TBC1D8: variants seen among roughly 807,000 people sequenced by gnomAD.
The protein encoded by TBC1D8 is TBC1 domain family member 8.
Under a neutral mutation model 118.8 loss-of-function variants are expected in TBC1D8, and 65 were observed. That is an observed-to-expected ratio of 0.55 (90% confidence interval 0.45 to 0.67). The LOEUF is 0.67. Among genes scored for constraint, TBC1D8 ranks in the 30% least tolerant of loss-of-function variants. TBC1D8 has a pLI of 0.00. For synonymous variants in TBC1D8, 566 were observed against 595.8 expected, an observed-to-expected ratio of 0.95 and a Z score of 0.73; for missense variants, 1,376 against 1,471.2, an observed-to-expected ratio of 0.94 and a Z score of 1.06.
At chr2:101,018,357 G>A (rs1177265412) in intron 17 of TBC1D8, 1 of 157,508 alleles carries the variant, frequency 6.3e-6, no homozygotes, top group African/African-American at 2.4e-5. Context: ...AACGTTTTAA[G>A]TGCTTTTTTT....
chr2:101,034,723 G>A (rs770301741), intron 9 of TBC1D8, among the ~76,000 whole-genome samples: 1 of 152,244 alleles, frequency 6.6e-6, no homozygotes, highest in Non-Finnish European at 1.5e-5. Flanking sequence ...CAATCAGGTG[G>A]TGGGATTCTG....
chr2:101,088,268 T>C (rs1162390147), intron 2 of TBC1D8, among the ~76,000 whole-genome samples: 1 of 152,058 alleles, frequency 6.6e-6, no homozygotes, highest in Non-Finnish European at 1.5e-5. Context: ...GTTAGCTGAT[T>C]CATTTGACAC....
At chr2:101,090,162 T>C (rs1229924327) in intron 2 of TBC1D8, 47 bp downstream of exon 2, 1 of 1,573,324 alleles carries the variant, frequency 6.4e-7, no homozygotes, top group Non-Finnish European at 8.6e-7. Context: ...ATACTCAGCA[T>C]GCTTACACCT....
chr2:101,079,568 G>T (rs890595943), intron 2 of TBC1D8, among the ~76,000 whole-genome samples: 3 of 150,760 alleles, frequency 2.0e-5, no homozygotes, highest in Non-Finnish European at 4.4e-5. Context: ...TAGAAACAGG[G>T]TCTTGCTATG....
intron 2 of TBC1D8, among the ~76,000 whole-genome samples, chr2:101,078,496 C>G (rs1674996155): frequency 6.6e-6 from 1 of 151,992 alleles, no homozygotes; most frequent in South Asian, 2.1e-4. Context: ...TAAGACTGGC[C>G]ATATTTTTCA....
At chr2:101,099,581 T>C (rs923561623) in intron 1 of TBC1D8, among the ~76,000 whole-genome samples, 4 of 152,094 alleles carry the variant, frequency 2.6e-5, no homozygotes, top group African/African-American at 9.7e-5. Flanking sequence ...CAGACCAATA[T>C]CCCTGATGAG....
intron 2 of TBC1D8, among the ~76,000 whole-genome samples, chr2:101,076,434 G>C (rs529560593): frequency 6.6e-6 from 1 of 152,176 alleles, no homozygotes; most frequent in African/African-American, 2.4e-5. Flanking sequence ...CTGAGAGAAC[G>C]CAAAATAAAA....
In TBC1D8 at chr2:101,054,307, CCTG is replaced by C; in HGVS notation, c.429_431del (p.Ser143del). On this transcript the variant is annotated inframe_deletion, in exon 4 of 20. Transcript: ENST00000409318. Reference sequence around the variant, plus strand: ...CGGGTTCCTCCTCCTGCTCGGCGAGCCTGCTGCTGGTCTCCTCGGCTATCAGAG... The same window carrying C: ...CGGGTTCCTCCTCCTGCTCGGCGAGCCTGCTGGTCTCCTCGGCTATCAGAG... 1.9e-6 allele frequency: 3 copies of C among 1,572,470 alleles called. No individual in the cohort carries two copies. Among genetic ancestry groups the C allele is most frequent in the Non-Finnish European group, 1.7e-6 (2 of 1,158,292 alleles).
chr2:101,136,770 G>A (rs1448463933), intron 1 of TBC1D8, among the ~76,000 whole-genome samples: 3 of 152,140 alleles, frequency 2.0e-5, no homozygotes, highest in African/African-American at 4.8e-5. Flanking sequence ...GAATGATCAC[G>A]AGCTATACAT....
chr2:101,056,487 C>A (rs1329495996), intron 3 of TBC1D8, among the ~76,000 whole-genome samples: 1 of 152,142 alleles, frequency 6.6e-6, no homozygotes, highest in South Asian at 2.1e-4. Flanking sequence ...TGAGCCACCG[C>A]GCCCGGCCTA....
chr2:101,123,966 A>G (rs1678239415), intron 1 of TBC1D8, among the ~76,000 whole-genome samples: 1 of 152,174 alleles, frequency 6.6e-6, no homozygotes, highest in Non-Finnish European at 1.5e-5. Flanking sequence ...TGTAGGCAGG[A>G]GTGATTAAAA....
At chr2:101,038,704 C>T (rs897097852) in intron 6 of TBC1D8, 49 bp from the exon 7 acceptor site, 3 of 1,590,278 alleles carry the variant, frequency 1.9e-6, no homozygotes, top group African/African-American at 2.7e-5. Flanking sequence ...GGAAGGTAGG[C>T]ATGTTATTAC....
At chr2:101,147,282 C>T (rs1161372680) in intron 1 of TBC1D8, among the ~76,000 whole-genome samples, 1 of 152,190 alleles carries the variant, frequency 6.6e-6, no homozygotes, top group Non-Finnish European at 1.5e-5. Context: ...AATACAGGAA[C>T]GCAGGTATCT....
intron 5 of TBC1D8, among the ~76,000 whole-genome samples, chr2:101,045,603 C>A (rs1344164847): frequency 6.6e-6 from 1 of 152,248 alleles, no homozygotes; most frequent in Admixed American, 6.5e-5. Context: ...ATGGCTCCTG[C>A]CCTCTTGGAT....
chr2:101,042,457 G>A (rs532859041), intron 5 of TBC1D8, among the ~76,000 whole-genome samples: 10 of 152,176 alleles, frequency 6.6e-5, no homozygotes, highest in Admixed American at 1.3e-4. Context: ...CTGTAACCCC[G>A]AATGAGACTC....
At chr2:101,038,788 A>C in intron 6 of TBC1D8, 133 bp from the exon 7 acceptor site, 1 of 1,008,866 alleles carries the variant, frequency 9.9e-7, no homozygotes, top group South Asian at 1.5e-5. Flanking sequence ...ATGGCGAGAA[A>C]GTGGCACTGC....
In TBC1D8 at chr2:101,038,639, T is replaced by G. The variant is rs1416305798; in HGVS notation, c.1097A>C (p.Lys366Thr). The G allele has an allele frequency of 6.2e-7, 1 of 1,613,872 alleles. No homozygotes were observed. Among genetic ancestry groups the G allele is most frequent in the African/African-American group, 1.3e-5 (1 of 74,938 alleles). Residue 366 changes from lysine (K) to threonine (T), a missense_variant, in exon 7 of 20, where the codon AAG becomes ACG. Coordinates refer to ENST00000409318, the MANE Select transcript of TBC1D8 (RefSeq NM_001330348.2). ...LPLREVVSIE[K>T]MEDTSLLPHP... ...CGGCAGCAGGCTCGTGTCCTCCATCTTCTCGATGCTCACCACCTGCGCGAG... is the reference window on the plus strand; with the variant it reads ...CGGCAGCAGGCTCGTGTCCTCCATCGTCTCGATGCTCACCACCTGCGCGAG...
intron 5 of TBC1D8, among the ~76,000 whole-genome samples, chr2:101,042,361 A>C (rs188168386): frequency 5.1e-4 from 78 of 152,306 alleles, no homozygotes; most frequent in African/African-American, 1.8e-3. Context: ...CTTCTCTTGC[A>C]CTTTATAAAG....
chr2:101,060,620 T>C (rs1051336538), intron 2 of TBC1D8, among the ~76,000 whole-genome samples: 2 of 152,210 alleles, frequency 1.3e-5, no homozygotes, highest in African/African-American at 2.4e-5. Flanking sequence ...TCATCATCTC[T>C]ACTGGACAAT....
Sources: allele counts gnomAD v4.1 joint callset (sites outside exome capture counted in the v4.1 genomes callset), GRCh38; gene constraint gnomAD v4.1.1; transcripts MANE v1.5; gene names NCBI Gene and HGNC (gene_info 2026-07-23, HGNC 2026-07-21).